The following SGPP2 variants were observed in gnomAD, a reference collection of about 807,000 sequenced individuals.
SGPP2 encodes the protein sphingosine-1-phosphate phosphatase 2.
SGPP2 carries 30 observed loss-of-function variants against 33.9 expected under a neutral mutation model. The observed-to-expected ratio is 0.89, with a 90% CI of 0.66 to 1.20. SGPP2 has a LOEUF of 1.20. Among genes scored for constraint, SGPP2 ranks in the 50% most tolerant of loss-of-function variants. The pLI is 0.00. For missense variants in SGPP2, 458 were observed against 532.1 expected (o/e 0.86, Z 1.37); for synonymous variants, 233 against 225.0 (o/e 1.04, Z -0.32).
chr2:222,447,979 G>A (rs963881369), intron 1 of SGPP2, among the ~76,000 whole-genome samples: 1 of 152,196 alleles, frequency 6.6e-6, no homozygotes, highest in Admixed American at 6.5e-5. Flanking sequence ...CCAACACCAC[G>A]AAGCAATTTC....
intron 3 of SGPP2, among the ~76,000 whole-genome samples, chr2:222,524,264 G>A (rs940459469): frequency 6.6e-6 from 1 of 152,190 alleles, no homozygotes; most frequent in Admixed American, 6.5e-5. Flanking sequence ...TATTGTCTTT[G>A]ATCTTCTTAC....
chr2:222,476,842 G>GTATATAGGTGTGTATATGTGTA lies in SGPP2; in HGVS notation c.378+2130_378+2151dup, dbSNP rs1465168287. On this transcript the variant is annotated intron_variant, in intron 2 of 4. Coordinates refer to ENST00000321276, the MANE Select transcript of SGPP2 (RefSeq NM_152386.4). The surrounding 1 kb of genome is among the most constrained non-coding windows in gnomAD (Gnocchi z 4.3). ...TAGGTGTGTGTATATGTGTATGTGT[G>GTATATAGGTGTGTATATGTGTA]TATATAGGTGTGTATATGTGTATAT... Among the ~76,000 whole-genome samples, 1 of 151,728 alleles carries GTATATAGGTGTGTATATGTGTA rather than the reference G, an allele frequency of 6.6e-6. No homozygotes were observed. The highest frequency in any genetic ancestry group is 1.5e-5 in the Non-Finnish European group (1 of 67,918).
chr2:222,439,190 C>A (rs972863245), intron 1 of SGPP2, among the ~76,000 whole-genome samples: 1 of 152,112 alleles, frequency 6.6e-6, no homozygotes, highest in African/African-American at 2.4e-5. Context: ...GCACAGTTAC[C>A]CTGGTGAAAG....
chr2:222,498,936 G>A (rs982069194), intron 2 of SGPP2, among the ~76,000 whole-genome samples: 1 of 152,152 alleles, frequency 6.6e-6, no homozygotes, highest in East Asian at 1.9e-4. Context: ...GTTGATTTCT[G>A]TGTTCATATG....
chr2:222,524,109 A>G (rs1319098336), intron 3 of SGPP2, among the ~76,000 whole-genome samples: 2 of 152,356 alleles, frequency 1.3e-5, no homozygotes, highest in East Asian at 3.9e-4. Context: ...CCTTTATGAT[A>G]AAGTTTATTA....
chr2:222,517,245 G>GTT (rs1170677947), intron 2 of SGPP2, among the ~76,000 whole-genome samples: 1 of 152,140 alleles, frequency 6.6e-6, no homozygotes, highest in East Asian at 1.9e-4. Context: ...AGGCATTCCT[G>GTT]TTTTCTCACC....
intron 1 of SGPP2, among the ~76,000 whole-genome samples, chr2:222,473,780 T>C (rs10170487): frequency 0.27 from 40,796 of 151,734 alleles, 5,832 homozygotes; most frequent in East Asian, 0.47. Flanking sequence ...CAAAATTAGC[T>C]GGGTGTGGTG....
chr2:222,556,580 T>C (rs1427214082), intron 4 of SGPP2, among the ~76,000 whole-genome samples: 69 of 49,540 alleles, frequency 1.4e-3, no homozygotes, highest in Middle Eastern at 0.012. Flanking sequence ...CCTCACTCCT[T>C]GCCCATCCAC....
At chr2:222,551,345 C>A (rs927098503) in intron 4 of SGPP2, among the ~76,000 whole-genome samples, 7 of 152,054 alleles carry the variant, frequency 4.6e-5, no homozygotes, top group Non-Finnish European at 7.4e-5. Flanking sequence ...AAAGAAGTAA[C>A]CTCCTAACTT....
intron 1 of SGPP2, among the ~76,000 whole-genome samples, chr2:222,450,683 G>A (rs1272943320): frequency 6.6e-6 from 1 of 152,158 alleles, no homozygotes; most frequent in African/African-American, 2.4e-5. Flanking sequence ...ACGACCTAAT[G>A]GGAACCTGGA....
intron 2 of SGPP2, 95 bp downstream of exon 2, chr2:222,474,821 T>C (rs1424367385): frequency 9.5e-7 from 1 of 1,052,556 alleles, no homozygotes; most frequent in African/African-American, 1.6e-5. Flanking sequence ...TTTCTTTTTT[T>C]TTTTTTTTTT....
chr2:222,512,795 T>G (rs1698549762), intron 2 of SGPP2, among the ~76,000 whole-genome samples: 1 of 152,224 alleles, frequency 6.6e-6, no homozygotes, highest in African/African-American at 2.4e-5. Flanking sequence ...CCATATCTTG[T>G]CATGGCTCGA....
At chr2:222,457,327 A>G (rs1697588009) in intron 1 of SGPP2, among the ~76,000 whole-genome samples, 1 of 152,128 alleles carries the variant, frequency 6.6e-6, no homozygotes, top group Non-Finnish European at 1.5e-5. Context: ...GTACGATGTT[A>G]TGAAAAGATG....
chr2:222,435,888 C>T (rs1251600400), intron 1 of SGPP2, among the ~76,000 whole-genome samples: 1 of 152,192 alleles, frequency 6.6e-6, no homozygotes, highest in African/African-American at 2.4e-5. Context: ...AGCACTTCAG[C>T]AGGTCGTGGT....
In SGPP2 at chr2:222,525,034, G is replaced by A. The variant is rs1342708518; in HGVS notation, c.648+1G>A. The A allele has an allele frequency of 2.5e-6, 4 of 1,613,298 alleles. No homozygotes were observed. The highest frequency in any genetic ancestry group is 3.4e-6 in the Non-Finnish European group (4 of 1,179,482). Reference sequence around the variant, plus strand: ...CTACACTGGGATGCATACGGTCCTGGTAAGGCTTTGTGGTCAGGTCTTGTG... The same window carrying A: ...CTACACTGGGATGCATACGGTCCTGATAAGGCTTTGTGGTCAGGTCTTGTG... On this transcript the variant is annotated splice_donor_variant, in intron 4 of 4. Transcript: ENST00000321276. LOFTEE classifies it high-confidence loss of function.
At chr2:222,428,851 G>A (rs1697111221) in intron 1 of SGPP2, among the ~76,000 whole-genome samples, 1 of 139,184 alleles carries the variant, frequency 7.2e-6, no homozygotes, top group South Asian at 2.2e-4. Flanking sequence ...GAGTACAGTG[G>A]CTCCATCTCA....
chr2:222,543,118 C>G (rs1459036871), intron 4 of SGPP2, among the ~76,000 whole-genome samples: 1 of 152,140 alleles, frequency 6.6e-6, no homozygotes, highest in African/African-American at 2.4e-5. Flanking sequence ...ATGGTTACAA[C>G]TTTTGTGTCT....
At chr2:222,505,315 T>C (rs1284742634) in intron 2 of SGPP2, among the ~76,000 whole-genome samples, 1 of 152,226 alleles carries the variant, frequency 6.6e-6, no homozygotes. Flanking sequence ...ACAACTATGA[T>C]TCCCAAAGTG....
At chr2:222,463,450 T>C (rs1697695848) in intron 1 of SGPP2, among the ~76,000 whole-genome samples, 1 of 151,904 alleles carries the variant, frequency 6.6e-6, no homozygotes, top group Non-Finnish European at 1.5e-5. Context: ...CTACAAAATA[T>C]AAAAAAAATA....
Sources: gnomAD v4.1 joint callset for allele counts (sites outside exome capture counted in the v4.1 genomes callset) on GRCh38, gnomAD v4.1.1 for gene constraint, Gnocchi (gnomAD v3.1) non-coding constraint, MANE v1.5 for transcripts, NCBI Gene and HGNC (gene_info 2026-07-23, HGNC 2026-07-21) for gene names.